ENTREP2: variants seen among roughly 807,000 people sequenced by gnomAD.
The protein encoded by ENTREP2 is protein ENTREP2.
chr15:29,549,394 C>G, the ENTREP2 span, among the ~76,000 whole-genome samples: 2 of 152,080 alleles, frequency 1.3e-5, no homozygotes, highest in South Asian at 4.2e-4. Flanking sequence ...CTTAGCCTCC[C>G]GAGTAGCTGG....
chr15:29,175,886 G>T, the ENTREP2 span, among the ~76,000 whole-genome samples: 1 of 152,240 alleles, frequency 6.6e-6, no homozygotes. Context: ...GATAACAGGC[G>T]TGAGCCACTG....
At chr15:29,612,601 A>AGTGCCAGTCAGAT in the ENTREP2 span, 1 of 153,938 alleles carries the variant, frequency 6.5e-6, no homozygotes, top group African/African-American at 2.4e-5. Context: ...CAGACAGGAC[A>AGTGCCAGTCAGAT]CTGTGGCAGT....
At chr15:29,507,175 G>A in the ENTREP2 span, among the ~76,000 whole-genome samples, 1 of 152,094 alleles carries the variant, frequency 6.6e-6, no homozygotes, top group South Asian at 2.1e-4. Flanking sequence ...ATTACATAAT[G>A]GTAAAAGAAT....
the ENTREP2 span, among the ~76,000 whole-genome samples, chr15:29,521,777 T>G: frequency 6.6e-6 from 1 of 152,164 alleles, no homozygotes; most frequent in Non-Finnish European, 1.5e-5. Flanking sequence ...CCTTGGGGAA[T>G]TGACACTAGT....
chr15:29,263,137 T>C, the ENTREP2 span, among the ~76,000 whole-genome samples: 2 of 152,168 alleles, frequency 1.3e-5, no homozygotes, highest in Non-Finnish European at 2.9e-5. Context: ...AAAATACAAG[T>C]GACCAAAACC....
At chr15:29,628,940 G>A in the ENTREP2 span, among the ~76,000 whole-genome samples, 1 of 152,102 alleles carries the variant, frequency 6.6e-6, no homozygotes, top group Non-Finnish European at 1.5e-5. Context: ...AGTAGAGACA[G>A]CATTTCACCG....
At chr15:29,499,021 G>T in the ENTREP2 span, among the ~76,000 whole-genome samples, 1 of 151,960 alleles carries the variant, frequency 6.6e-6, no homozygotes, top group Non-Finnish European at 1.5e-5. Context: ...CTTCACATTC[G>T]GTTTATGTAT....
chr15:29,213,913 A>G, the ENTREP2 span, among the ~76,000 whole-genome samples: 1 of 152,238 alleles, frequency 6.6e-6, no homozygotes, highest in Non-Finnish European at 1.5e-5. Context: ...GAAGACATTT[A>G]TGCAGCCAAC....
At chr15:29,593,708 CGTCAG>C in the ENTREP2 span, among the ~76,000 whole-genome samples, 1 of 152,156 alleles carries the variant, frequency 6.6e-6, no homozygotes, top group Non-Finnish European at 1.5e-5. Context: ...TTTCACATTG[CGTCAG>C]GTCACTCTGT....
the ENTREP2 span, among the ~76,000 whole-genome samples, chr15:29,623,870 G>A: frequency 2.6e-5 from 4 of 152,122 alleles, no homozygotes; most frequent in Admixed American, 2.6e-4. Context: ...CAAGTAGCTG[G>A]GATTACAGGC....
At chr15:29,543,328 C>T in the ENTREP2 span, among the ~76,000 whole-genome samples, 6,334 of 152,318 alleles carry the variant, frequency 0.042, 172 homozygotes, top group Non-Finnish European at 0.067. Flanking sequence ...AGATGACTAC[C>T]TCCATTCTAA....
At chr15:29,389,525 G>T in the ENTREP2 span, among the ~76,000 whole-genome samples, 4 of 152,186 alleles carry the variant, frequency 2.6e-5, no homozygotes, top group African/African-American at 9.7e-5. Context: ...GAGCTTCTGT[G>T]GAGCCAAGTT....
the ENTREP2 span, among the ~76,000 whole-genome samples, chr15:29,482,164 A>ATTTTTTT: frequency 3.7e-5 from 5 of 135,260 alleles, no homozygotes; most frequent in Non-Finnish European, 3.1e-5. Flanking sequence ...CAGGCAGCTA[A>ATTTTTTT]TTTTTTTTTT....
At chr15:29,278,687 G>A in the ENTREP2 span, among the ~76,000 whole-genome samples, 2 of 152,206 alleles carry the variant, frequency 1.3e-5, no homozygotes, top group African/African-American at 4.8e-5. Flanking sequence ...AGGAAAGGGA[G>A]AAGCACAGAC....
the ENTREP2 span, among the ~76,000 whole-genome samples, chr15:29,495,729 G>A: frequency 6.6e-6 from 1 of 152,064 alleles, no homozygotes; most frequent in African/African-American, 2.4e-5. Flanking sequence ...ATATGCATGG[G>A]TTTATTTATG....
At chr15:29,159,068 T>G in the ENTREP2 span, among the ~76,000 whole-genome samples, 3 of 152,044 alleles carry the variant, frequency 2.0e-5, no homozygotes, top group East Asian at 1.9e-4. Flanking sequence ...CTGGAATTGG[T>G]GGGTTATTGG....
the ENTREP2 span, among the ~76,000 whole-genome samples, chr15:29,213,272 G>A: frequency 2.6e-5 from 4 of 151,980 alleles, no homozygotes; most frequent in Admixed American, 6.6e-5. Flanking sequence ...TTGGCAATGC[G>A]GGCTCTTTTT....
At chr15:29,188,423 CCT>C in the ENTREP2 span, among the ~76,000 whole-genome samples, 2 of 152,026 alleles carry the variant, frequency 1.3e-5, no homozygotes, top group African/African-American at 4.8e-5. Flanking sequence ...GCCCCCACCC[CCT>C]GACAGGTCCT....
the ENTREP2 span, among the ~76,000 whole-genome samples, chr15:29,312,108 T>A: frequency 2.6e-5 from 4 of 152,162 alleles, no homozygotes; most frequent in Non-Finnish European, 5.9e-5. Flanking sequence ...AAAGCCAGCA[T>A]CTTAATTAAC....
Sources: allele counts gnomAD v4.1 joint callset (sites outside exome capture counted in the v4.1 genomes callset), GRCh38; gene constraint gnomAD v4.1.1; transcripts MANE v1.5; gene names NCBI Gene and HGNC (gene_info 2026-07-23, HGNC 2026-07-21).